The following COL22A1 variants were observed in gnomAD, a reference collection of about 807,000 sequenced individuals.
COL22A1 encodes collagen alpha-1(XXII) chain.
A neutral mutation model predicts 248.9 loss-of-function variants in COL22A1; 221 were observed. The observed-to-expected ratio is 0.89, with a 90% CI of 0.80 to 0.99. COL22A1 has a LOEUF of 0.99. COL22A1 is among the 50% of genes least tolerant of loss of function. COL22A1 has a pLI of 0.00. For missense variants in COL22A1, 2,240 were observed against 2,179.0 expected (o/e 1.03, Z -0.56); for synonymous variants, 891 against 793.4 (o/e 1.12, Z -2.07).
chr8:138,803,042 G>T, intron 10 of COL22A1, 108 bp from the exon 11 acceptor site: 1 of 858,856 alleles, frequency 1.2e-6, no homozygotes, highest in South Asian at 1.3e-5. Flanking sequence ...AGAAGCAGCT[G>T]ACTTCATCTT....
At chr8:138,860,064 C>A (rs1007958486) in intron 3 of COL22A1, among the ~76,000 whole-genome samples, 14 of 152,164 alleles carry the variant, frequency 9.2e-5, no homozygotes, top group Non-Finnish European at 1.9e-4. Flanking sequence ...ACCAGCCAAC[C>A]CCTTCACCCA....
chr8:138,812,043 A>C, intron 8 of COL22A1, 122 bp from the exon 9 acceptor site: 1 of 1,186,534 alleles, frequency 8.4e-7, no homozygotes, highest in East Asian at 2.6e-5. Context: ...AACGCTGAGG[A>C]TGTCTCTCCT....
At position 138,705,777 on chromosome 8, in the gene COL22A1, A is replaced by G. The variant is rs201920219; in HGVS notation, c.2518-2430T>C. Among the ~76,000 whole-genome samples the G allele has an allele frequency of 9.1e-3, 1,385 of 152,316 alleles. 49 individuals are homozygous for G. The highest frequency in any genetic ancestry group is 0.076 in the Admixed American group (1,166 of 15,296). On this transcript the variant is annotated intron_variant, in intron 30 of 64. Transcript: ENST00000303045. ...TAATGACAGGATCAAATTCACACAT[A>G]ACAATATTAACCTTAAATGTAAATG...
chr8:138,785,775 A>T (rs1199415521), intron 12 of COL22A1, among the ~76,000 whole-genome samples: 1 of 152,194 alleles, frequency 6.6e-6, no homozygotes, highest in Non-Finnish European at 1.5e-5. Context: ...TCTCTCGTCC[A>T]CAAGATGGGA....
At chr8:138,684,934 T>C (rs1241515809) in intron 38 of COL22A1, among the ~76,000 whole-genome samples, 1 of 152,152 alleles carries the variant, frequency 6.6e-6, no homozygotes, top group Non-Finnish European at 1.5e-5. Context: ...GCTGTGGGGA[T>C]GTGTTTGCCT....
At chr8:138,786,852 C>T (rs963587895) in intron 12 of COL22A1, among the ~76,000 whole-genome samples, 27 of 152,132 alleles carry the variant, frequency 1.8e-4, no homozygotes, top group Middle Eastern at 6.8e-3. Context: ...TGCAGTGAGC[C>T]GAGATCATGC....
intron 4 of COL22A1, among the ~76,000 whole-genome samples, chr8:138,837,516 A>T (rs1042380523): frequency 3.3e-5 from 5 of 152,242 alleles, no homozygotes; most frequent in Non-Finnish European, 5.9e-5. Context: ...GCCTGGGGAC[A>T]GAAGCATGGA....
intron 4 of COL22A1, among the ~76,000 whole-genome samples, chr8:138,837,552 G>A (rs1246240967): frequency 6.6e-6 from 1 of 152,208 alleles, no homozygotes; most frequent in Non-Finnish European, 1.5e-5. Context: ...TGGGCTCCCA[G>A]GCAGGCCCAG....
At chr8:138,596,459 T>G (rs1015050232) in intron 62 of COL22A1, among the ~76,000 whole-genome samples, 1 of 152,234 alleles carries the variant, frequency 6.6e-6, no homozygotes, top group African/African-American at 2.4e-5. Flanking sequence ...TCATCTGTCC[T>G]CTTTTAATGC....
chr8:138,725,837 C>A (rs1830265331), intron 23 of COL22A1, among the ~76,000 whole-genome samples: 1 of 151,728 alleles, frequency 6.6e-6, no homozygotes, highest in African/African-American at 2.4e-5. Flanking sequence ...CAGAAGAGTG[C>A]TTCTCAATCA....
At chr8:138,815,902 G>T (rs1818645231) in intron 7 of COL22A1, among the ~76,000 whole-genome samples, 1 of 152,116 alleles carries the variant, frequency 6.6e-6, no homozygotes, top group Non-Finnish European at 1.5e-5. Flanking sequence ...GCCCATGTTG[G>T]ACTCGGGAGT....
intron 16 of COL22A1, 147 bp downstream of exon 16, chr8:138,775,819 T>G: frequency 1.2e-6 from 1 of 813,974 alleles, no homozygotes; most frequent in Non-Finnish European, 2.1e-6. Context: ...CACATACACA[T>G]GCAAATATAC....
At position 138,710,597 on chromosome 8, in the gene COL22A1, ATCTATCTATC is replaced by A. The variant is rs745633331; in HGVS notation, c.2517+5075_2517+5084del. Among the ~76,000 whole-genome samples the A allele has an allele frequency of 9.5e-3, 477 of 50,124 alleles. 2 individuals carry two copies. The highest frequency in any genetic ancestry group is 0.026 in the African/African-American group (460 of 17,910). 32.9% of individuals were successfully genotyped at this position (50,124 alleles called of 152,430 possible). A position where few individuals can be genotyped will look rare whatever the true frequency, so the allele number is the denominator to read the frequency against. On this transcript the variant is annotated intron_variant, in intron 30 of 64. Coordinates refer to ENST00000303045, the MANE Select transcript of COL22A1 (RefSeq NM_152888.3). Reference sequence around the variant, plus strand: ...TTGTAGCAATGCCCATAATCTATCTATCTATCTATCTATATATATATATCTCCATTTCACA... The same window carrying A: ...TTGTAGCAATGCCCATAATCTATCTATATATATATATATCTCCATTTCACA...
At chr8:138,648,790 G>A (rs1463113011) in intron 46 of COL22A1, among the ~76,000 whole-genome samples, 3 of 152,144 alleles carry the variant, frequency 2.0e-5, no homozygotes, top group African/African-American at 7.2e-5. Flanking sequence ...CTAAGACGGA[G>A]GGCCATCTGA....
rs369308160 is a variant in COL22A1 at position 138,784,915 on chromosome 8, T to C, written c.1597-3935A>G. ...CAGACTCCAGGCCCTAGAGTGTGCT[T>C]CCGAACATCTTCACAACACTTAATA... On this transcript the variant is annotated intron_variant, in intron 12 of 64. Transcript: ENST00000303045. 2.6e-5 allele frequency among the ~76,000 whole-genome samples: 4 copies of C among 152,258 alleles called. No homozygotes were observed. The East Asian group carries it at 5.8e-4, about 22-fold the overall frequency.
intron 3 of COL22A1, among the ~76,000 whole-genome samples, chr8:138,848,440 C>T (rs1821402514): frequency 6.6e-6 from 1 of 152,120 alleles, no homozygotes; most frequent in Non-Finnish European, 1.5e-5. Flanking sequence ...AAAAACACGT[C>T]CATTTTTTTG....
intron 40 of COL22A1, among the ~76,000 whole-genome samples, chr8:138,677,651 G>A (rs532019677): frequency 4.6e-5 from 7 of 152,306 alleles, no homozygotes; most frequent in South Asian, 2.1e-4. Flanking sequence ...TATTTTTGTC[G>A]CCTAAGGATT....
chr8:138,811,162 G>C (rs1421993494), intron 9 of COL22A1, among the ~76,000 whole-genome samples: 2 of 152,074 alleles, frequency 1.3e-5, no homozygotes, highest in African/African-American at 4.8e-5. Context: ...CACACAGTGA[G>C]ATATTTATTC....
Position 138,596,883 on chromosome 8 carries a change from T to A in COL22A1, c.4432+21A>T, listed in dbSNP as rs745609047. 6.2e-6 allele frequency: 10 copies of A among 1,611,992 alleles called. No individual in the cohort carries two copies. The Admixed American group carries it at 1.5e-4, about 24-fold the overall frequency. ...TCCTGGGCTCTTCTCTGCAAGACCG[T>A]AACACAGTCCAGATACTCACTTTCA... On this transcript the variant is annotated intron_variant, in intron 62 of 64. Transcript: ENST00000303045.
Sources: allele counts gnomAD v4.1 joint callset (sites outside exome capture counted in the v4.1 genomes callset), GRCh38; gene constraint gnomAD v4.1.1; transcripts MANE v1.5; gene names NCBI Gene and HGNC (gene_info 2026-07-23, HGNC 2026-07-21).